The following COL12A1 variants were observed in gnomAD, a reference collection of about 807,000 sequenced individuals.
The protein encoded by COL12A1 is collagen type XII alpha 1 chain.
Under a neutral mutation model 349.7 loss-of-function variants are expected in COL12A1, and 114 were observed. The ratio of observed to expected loss-of-function variants is 0.33; its 90% CI spans 0.28 to 0.38. The LOEUF is 0.38. Ranked by LOEUF, COL12A1 falls within the 10% of genes least tolerant of loss-of-function variation. COL12A1 has a pLI of 1.00. For synonymous variants in COL12A1, 1,369 were observed against 1,329.0 expected, an observed-to-expected ratio of 1.03 and a Z score of -0.66; for missense variants, 3,284 against 3,756.9, an observed-to-expected ratio of 0.87 and a Z score of 3.29.
Position 75,112,972 on chromosome 6 carries a change from T to C in COL12A1, c.7950+232A>G, listed in dbSNP as rs78120174. ...AATGTTATATATAGTATGATTCAAA[T>C]TTTAAAAAGAAATAAGCATTAAAAA... On this transcript the variant is annotated intron_variant, in intron 51 of 65. Coordinates refer to ENST00000322507, the MANE Select transcript of COL12A1 (RefSeq NM_004370.6). 7,424 of 267,108 alleles carry C rather than the reference T, an allele frequency of 0.028. 358 individuals carry two copies. The highest frequency in any genetic ancestry group is 0.21 in the East Asian group (2,592 of 12,362). 16.5% of individuals were successfully genotyped at this position (267,108 alleles called of 1,614,324 possible). A position where few individuals can be genotyped will look rare whatever the true frequency, so the allele number is the denominator to read the frequency against.
At chr6:75,203,855 T>A (rs240363) in intron 1 of COL12A1, among the ~76,000 whole-genome samples, 136,072 of 152,244 alleles carry the variant, frequency 0.89, 61,058 homozygotes, top group Non-Finnish European at 0.93. Context: ...AAGTACATAA[T>A]TTATTGTAAG....
chr6:75,147,821 A>G lies in COL12A1; in HGVS notation c.4288-17T>C. ...CACATAAAACTAGGGGGAAAAATTA[A>G]ACAGAGCAACAACGTATGTATAATC... On this transcript the variant is annotated splice_polypyrimidine_tract_variant and intron_variant, in intron 22 of 65. Coordinates refer to ENST00000322507, the MANE Select transcript of COL12A1 (RefSeq NM_004370.6). 6.2e-7 allele frequency: 1 copy of G among 1,611,164 alleles called. No homozygotes were observed. Among genetic ancestry groups the G allele is most frequent in the Non-Finnish European group, 8.5e-7 (1 of 1,178,954 alleles).
intron 21 of COL12A1, among the ~76,000 whole-genome samples, chr6:75,148,881 C>T (rs916570900): frequency 6.6e-6 from 1 of 152,120 alleles, no homozygotes; most frequent in Non-Finnish European, 1.5e-5. Context: ...GTGGGAGGGA[C>T]CCACAGGGAG....
At chr6:75,187,157 A>AATATATAT (rs35075147) in intron 8 of COL12A1, among the ~76,000 whole-genome samples, 4 of 143,404 alleles carry the variant, frequency 2.8e-5, no homozygotes, top group Admixed American at 2.1e-4. Context: ...AAAATAAATA[A>AATATATAT]ATATATATAT....
chr6:75,193,407 T>C (rs1770047501), intron 3 of COL12A1, among the ~76,000 whole-genome samples: 1 of 152,170 alleles, frequency 6.6e-6, no homozygotes, highest in Non-Finnish European at 1.5e-5. Flanking sequence ...CTACGTTTCC[T>C]GGTAAATCAA....
Position 75,125,139 on chromosome 6 carries a change from G to C in COL12A1, c.6595C>G (p.Gln2199Glu). 1 of 1,602,716 alleles carries C rather than the reference G, an allele frequency of 6.2e-7. No individual in the cohort carries two copies. Among genetic ancestry groups the C allele is most frequent in the Non-Finnish European group, 8.5e-7 (1 of 1,174,764 alleles). Reference sequence around the variant, plus strand: ...ATCCATGACTCACATGTAGTGCCTTGATCTGTCAAGGGGACACTGAGTCCA... The same window carrying C: ...ATCCATGACTCACATGTAGTGCCTTCATCTGTCAAGGGGACACTGAGTCCA... ...DSGLSVPLTD[Q>E]GTTLYLNVTD... Residue 2199 changes from glutamine to glutamate, a missense_variant, in exon 40 of 66, where the codon CAA becomes GAA. Gln to Glu is a conservative substitution (Grantham distance 29). This residue lies in a region of COL12A1 where 2,601 missense variants were observed against 2,824.8 expected (regional missense o/e 0.92). Transcript: ENST00000322507.
At chr6:75,179,697 A>C (rs1769164041) in intron 11 of COL12A1, among the ~76,000 whole-genome samples, 1 of 152,210 alleles carries the variant, frequency 6.6e-6, no homozygotes, top group Non-Finnish European at 1.5e-5. Flanking sequence ...CTATTCTTTC[A>C]TGGTCTTTAC....
chr6:75,203,866 C>G (rs2149493723), intron 1 of COL12A1, among the ~76,000 whole-genome samples: 1 of 152,258 alleles, frequency 6.6e-6, no homozygotes, highest in Admixed American at 6.5e-5. Flanking sequence ...TTATTGTAAG[C>G]CAACAGCCTA....
In COL12A1 at chr6:75,152,138, A is replaced by G. The variant is rs772505454; in HGVS notation, c.3828T>C (p.Thr1276=). The G allele has an allele frequency of 1.2e-6, 2 of 1,613,876 alleles. No homozygotes were observed. Among genetic ancestry groups the G allele is most frequent in the South Asian group, 2.2e-5 (2 of 91,084 alleles). Residue 1276 remains threonine (T), a synonymous_variant, in exon 19 of 66, where the codon ACT becomes ACC. Coordinates refer to ENST00000322507, the MANE Select transcript of COL12A1 (RefSeq NM_004370.6). Reference sequence around the variant, plus strand: ...CAGACAGTCCTTACTCACCTGTGAGAGTATTGCCTCCTTTGTACGGCAAGT... The same window carrying G: ...CAGACAGTCCTTACTCACCTGTGAGGGTATTGCCTCCTTTGTACGGCAAGT... ...VANLPYKGGN[T]LTGMALNFIR...
intron 15 of COL12A1, 93 bp downstream of exon 15, chr6:75,156,164 G>A (rs1227592059): frequency 7.6e-6 from 11 of 1,441,302 alleles, no homozygotes; most frequent in Non-Finnish European, 9.5e-6. Context: ...TACGGAATCA[G>A]TTTTAAACAT....
intron 2 of COL12A1, among the ~76,000 whole-genome samples, 183 bp downstream of exon 2, chr6:75,202,537 G>C (rs1417926126): frequency 1.3e-5 from 2 of 152,232 alleles, no homozygotes; most frequent in African/African-American, 2.4e-5. Context: ...GAAAGAGCTG[G>C]ACCTGAGAGC....
chr6:75,177,642 T>C (rs200274950), intron 12 of COL12A1, 21 bp downstream of exon 12: 26 of 1,614,118 alleles, frequency 1.6e-5, no homozygotes, highest in Non-Finnish European at 2.1e-5. Context: ...TGTCACCATA[T>C]GATAAGCATA....
intron 27 of COL12A1, among the ~76,000 whole-genome samples, chr6:75,141,647 G>T (rs1766896762): frequency 6.6e-6 from 1 of 152,140 alleles, no homozygotes; most frequent in African/African-American, 2.4e-5. Flanking sequence ...TGTTACCCTT[G>T]ATAACACTTC....
At chr6:75,161,970 G>A (rs576607293) in intron 14 of COL12A1, among the ~76,000 whole-genome samples, 4 of 151,876 alleles carry the variant, frequency 2.6e-5, no homozygotes. Flanking sequence ...TCTTCAAGGA[G>A]AACTACAAAC....
At chr6:75,180,495 G>A (rs1038246494) in intron 11 of COL12A1, among the ~76,000 whole-genome samples, 1 of 151,278 alleles carries the variant, frequency 6.6e-6, no homozygotes, top group East Asian at 1.9e-4. Flanking sequence ...TGGTTACAAT[G>A]GTAAATATGT....
At chr6:75,187,171 TA>T (rs1769670397) in intron 8 of COL12A1, among the ~76,000 whole-genome samples, 3 of 148,480 alleles carry the variant, frequency 2.0e-5, no homozygotes, top group East Asian at 3.9e-4. Flanking sequence ...TATATATATA[TA>T]TATATTTAAA....
intron 32 of COL12A1, among the ~76,000 whole-genome samples, chr6:75,134,428 G>A (rs546270430): frequency 2.6e-5 from 4 of 151,986 alleles, no homozygotes; most frequent in South Asian, 2.1e-4. Context: ...AAAATTAGCC[G>A]GGTGTGGTGG....
chr6:75,090,007 A>C lies in COL12A1; in HGVS notation c.8941+103T>G, dbSNP rs1767679384. 1.6e-6 allele frequency: 2 copies of C among 1,246,962 alleles called. No homozygotes were observed. Among genetic ancestry groups the C allele is most frequent in the African/African-American group, 1.5e-5 (1 of 67,258 alleles). 77.2% of individuals were successfully genotyped at this position (1,246,962 alleles called of 1,614,324 possible). ...GAGGCTGTCCAAACAAGACCAGGGA[A>C]AGCAGTTTGCCTAGGTCACCTTTCA... On this transcript the variant is annotated intron_variant, in intron 63 of 65. Transcript: ENST00000322507. This position sits in a 1 kb window ranked among gnomAD's most constrained non-coding sequence, Gnocchi z 4.1.
intron 29 of COL12A1, 45 bp downstream of exon 29, chr6:75,138,403 T>C (rs781256893): frequency 4.4e-6 from 7 of 1,606,492 alleles, no homozygotes; most frequent in Non-Finnish European, 3.4e-6. Context: ...TTTTTAAAAA[T>C]TAACTTTAAA....
Sources: allele counts gnomAD v4.1 joint callset (sites outside exome capture counted in the v4.1 genomes callset), GRCh38; gene constraint gnomAD v4.1.1; regional missense constraint gnomAD v4.1.1; non-coding constraint Gnocchi (gnomAD v3.1); transcripts MANE v1.5; gene names NCBI Gene and HGNC (gene_info 2026-07-23, HGNC 2026-07-21).